RADIL: variants seen among roughly 807,000 people sequenced by gnomAD.
RADIL encodes the protein Rap associating with DIL domain.
RADIL carries 99 observed loss-of-function variants against 97.6 expected under a neutral mutation model. The ratio of observed to expected loss-of-function variants is 1.01; its 90% confidence interval spans 0.86 to 1.20. RADIL has a LOEUF of 1.20. Ranked by LOEUF, RADIL falls within the 50% of genes most tolerant of loss-of-function variation. The probability of loss-of-function intolerance (pLI) is 0.00; values close to 1 mark genes in which losing one functional copy is unlikely to be tolerated. For synonymous variants in RADIL, 803 were observed against 691.8 expected (o/e 1.16, Z -2.52); for missense variants, 1,765 against 1,498.9 (o/e 1.18, Z -2.93).
rs867880539 is a variant in RADIL at position 4,865,020 on chromosome 7, C to A, written c.535+12585G>T. On this transcript the variant is annotated intron_variant, in intron 2 of 14. Coordinates refer to ENST00000399583, the MANE Select transcript of RADIL (RefSeq NM_018059.5). ...TCCCCTCTGCACCAGCTGCAATGGCCTTCTTGCAGTGCCTGCCTTTGCTTC... is the reference window on the plus strand; with the variant it reads ...TCCCCTCTGCACCAGCTGCAATGGCATTCTTGCAGTGCCTGCCTTTGCTTC... Among the ~76,000 whole-genome samples, 4 of 152,224 alleles carry A rather than the reference C, an allele frequency of 2.6e-5. 1 individual carries two copies. The highest frequency in any genetic ancestry group is 2.1e-4 in the South Asian group (1 of 4,834).
chr7:4,811,994 C>T (rs1782561399), intron 9 of RADIL, among the ~76,000 whole-genome samples: 2 of 152,104 alleles, frequency 1.3e-5, no homozygotes, highest in East Asian at 1.9e-4. Context: ...CCTGCCTCAG[C>T]CTTCTAAGTA....
chr7:4,859,753 GT>G, intron 2 of RADIL: 1 of 618,580 alleles, frequency 1.6e-6, no homozygotes, highest in Non-Finnish European at 2.9e-6. Flanking sequence ...CTATACTGAT[GT>G]TCCCTGAGAG....
rs199947712 is a variant in RADIL at position 4,849,138 on chromosome 7, CA to C, written c.536-12534del. On this transcript the variant is annotated intron_variant, in intron 2 of 14. Transcript: ENST00000399583. The surrounding 1 kb of genome is among the most constrained non-coding windows in gnomAD (Gnocchi z 5.4). ...GGGCAACAAGAGGGAAATTCTGTCT[CA>C]AAAAAAAAAAAAAAAAGGGAATTAA... Among the ~76,000 whole-genome samples the C allele has an allele frequency of 0.046, 5,525 of 120,500 alleles. 269 individuals carry two copies. The highest frequency in any genetic ancestry group is 0.14 in the African/African-American group (4,931 of 35,694). 79.1% of individuals were successfully genotyped at this position (120,500 alleles called of 152,430 possible).
Position 4,872,448 on chromosome 7 carries a change from C to T in RADIL, c.535+5157G>A, listed in dbSNP as rs1035228398. Among the ~76,000 whole-genome samples the T allele has an allele frequency of 6.6e-6, 1 of 152,172 alleles. No individual in the cohort carries two copies. Among genetic ancestry groups the T allele is most frequent in the Non-Finnish European group, 1.5e-5 (1 of 68,032 alleles). On this transcript the variant is annotated intron_variant, in intron 2 of 14. Transcript: ENST00000399583. The surrounding 1 kb of genome is among the most constrained non-coding windows in gnomAD (Gnocchi z 5.8). ...CCTCCTGCAAAGGCAAACCAAGCCT[C>T]CCCTCACCGTTCCCCAGCCCCTGAC...
Position 4,815,501 on chromosome 7 carries a change from C to G in RADIL, c.1967-51G>C. ...TGCCTGGGCTGCCCTCCTGGGGGGA[C>G]ACAGACATGGGCCTGTCCCCAGAGC... On this transcript the variant is annotated intron_variant, in intron 8 of 14. Coordinates refer to ENST00000399583, the MANE Select transcript of RADIL (RefSeq NM_018059.5). The surrounding 1 kb of genome is among the most constrained non-coding windows in gnomAD (Gnocchi z 8.0). The G allele has an allele frequency of 6.9e-7, 1 of 1,445,498 alleles. No individual in the cohort carries two copies. Among genetic ancestry groups the G allele is most frequent in the Non-Finnish European group, 9.2e-7 (1 of 1,092,592 alleles). 89.5% of individuals were successfully genotyped at this position (1,445,498 alleles called of 1,614,324 possible). A position where few individuals can be genotyped will look rare whatever the true frequency, so the allele number is the denominator to read the frequency against.
At chr7:4,808,664 C>T (rs987745065) in intron 9 of RADIL, 2 of 951,176 alleles carry the variant, frequency 2.1e-6, no homozygotes, top group Non-Finnish European at 2.5e-6. Context: ...CCCTCCGCGT[C>T]CCCTTCCGAC....
At chr7:4,801,093 T>C in intron 12 of RADIL, among the ~76,000 whole-genome samples, 1 of 150,424 alleles carries the variant, frequency 6.6e-6, no homozygotes, top group Non-Finnish European at 1.5e-5. Context: ...CTTACACCCA[T>C]GCACAGATGC....
rs1357936921 is a variant in RADIL, at chr7:4,818,277, A to G, written c.1616-926T>C. 6.6e-6 allele frequency among the ~76,000 whole-genome samples: 1 copy of G among 152,160 alleles called. No homozygotes were observed. Among genetic ancestry groups the G allele is most frequent in the African/African-American group, 2.4e-5 (1 of 41,432 alleles). ...ACACTCACCCCAGCGCGGGCCTCCC[A>G]GGAGCACAGGCCCCCAGCTGCCCCT... On this transcript the variant is annotated intron_variant, in intron 6 of 14. Coordinates refer to ENST00000399583, the MANE Select transcript of RADIL (RefSeq NM_018059.5). This position sits in a 1 kb window ranked among gnomAD's most constrained non-coding sequence, Gnocchi z 7.1.
chr7:4,808,849 C>G (rs1384906893), intron 9 of RADIL: 2 of 961,912 alleles, frequency 2.1e-6, no homozygotes, highest in African/African-American at 3.9e-5. Context: ...CGTCTCCTTC[C>G]AACGCCACTG....
intron 2 of RADIL, among the ~76,000 whole-genome samples, chr7:4,871,184 G>A (rs940412751): frequency 1.3e-5 from 2 of 152,214 alleles, no homozygotes; most frequent in African/African-American, 4.8e-5. Context: ...TCCACTGGAA[G>A]GGAAGTCCCA....
chr7:4,810,043 T>A (rs1171023847), intron 9 of RADIL, among the ~76,000 whole-genome samples: 1 of 152,100 alleles, frequency 6.6e-6, no homozygotes, highest in African/African-American at 2.4e-5. Context: ...TTAGTAGAGA[T>A]GAGGTTTCAG....
chr7:4,806,948 G>A (rs991602743), intron 9 of RADIL, among the ~76,000 whole-genome samples: 4 of 152,250 alleles, frequency 2.6e-5, no homozygotes, highest in South Asian at 2.1e-4. Context: ...TGCACCCATC[G>A]TCCTGCAGCC....
intron 2 of RADIL, chr7:4,859,844 G>T: frequency 1.7e-6 from 2 of 1,148,554 alleles, no homozygotes; most frequent in Non-Finnish European, 2.5e-6. Context: ...CTTCCGTTTT[G>T]GTTTTCTTGG....
At position 4,799,089 on chromosome 7, in the gene RADIL, C is replaced by G; in HGVS notation, c.*289G>C. The stretch of plus-strand genomic sequence containing the variant: ...CACGCCTGCTGCCCGAGTTGAGACC[C>G]CAGCAGGGCACCCTCTAAGAACGGG... On this transcript the variant is annotated 3_prime_UTR_variant, in exon 15 of 15. Transcript: ENST00000399583. The G allele has an allele frequency of 2.5e-6, 1 of 401,182 alleles. No individual in the cohort carries two copies. Among genetic ancestry groups the G allele is most frequent in the South Asian group, 2.5e-5 (1 of 40,560 alleles). The allele number at this position is 401,182 out of a possible 1,614,324, so 24.9% of individuals were successfully genotyped here.
In RADIL at chr7:4,873,223, G is replaced by A. The variant is rs1784294944; in HGVS notation, c.535+4382C>T. The stretch of plus-strand genomic sequence containing the variant: ...GCTGGGATTACACGCGTGAGCCACC[G>A]CGCCCGGCCAAGTGTGACTCTTACC... On this transcript the variant is annotated intron_variant, in intron 2 of 14. Coordinates refer to ENST00000399583, the MANE Select transcript of RADIL (RefSeq NM_018059.5). This position sits in a 1 kb window ranked among gnomAD's most constrained non-coding sequence, Gnocchi z 4.3. 6.6e-6 allele frequency among the ~76,000 whole-genome samples: 1 copy of A among 152,104 alleles called. No individual in the cohort carries two copies. Among genetic ancestry groups the A allele is most frequent in the Non-Finnish European group, 1.5e-5 (1 of 68,026 alleles).
chr7:4,800,357 CACG>C (rs1782040959), intron 12 of RADIL, 47 bp from the exon 13 acceptor site: 6 of 1,412,898 alleles, frequency 4.2e-6, no homozygotes, highest in Non-Finnish European at 4.6e-6. Context: ...CGCCAGGAAT[CACG>C]ACGAGGAATG....
intron 9 of RADIL, among the ~76,000 whole-genome samples, chr7:4,807,446 G>A (rs1036938777): frequency 1.1e-4 from 17 of 151,910 alleles, no homozygotes; most frequent in Middle Eastern, 3.4e-3. Flanking sequence ...CAGCTTCAAG[G>A]GAACAGAACT....
Position 4,799,697 on chromosome 7 carries a change from G to T in RADIL, c.3055C>A (p.Arg1019Ser). ...AGGATACGGTCCCCCAGCGACAGGC[G>T]CCCGTCGGCCGCTGCGGGGCTGCCC... ...LPGSPAAADG[R>S]LSLGDRILEV... Residue 1019 changes from arginine to serine, a missense_variant, in exon 14 of 15, where the codon CGC becomes AGC. By Grantham distance (110) the Arg-to-Ser change is moderately radical. Coordinates refer to ENST00000399583, the MANE Select transcript of RADIL (RefSeq NM_018059.5). 2 of 1,577,982 alleles carry T rather than the reference G, an allele frequency of 1.3e-6. No homozygotes were observed. The highest frequency in any genetic ancestry group is 4.6e-5 in the East Asian group (2 of 43,184).
chr7:4,865,644 C>T, intron 2 of RADIL: 1 of 906,114 alleles, frequency 1.1e-6, no homozygotes, highest in South Asian at 1.3e-5. Context: ...CCAAGGTTCC[C>T]AGCTTTTCCA....
Sources: allele counts gnomAD v4.1 joint callset (sites outside exome capture counted in the v4.1 genomes callset), GRCh38; gene constraint gnomAD v4.1.1; non-coding constraint Gnocchi (gnomAD v3.1); transcripts MANE v1.5; gene names NCBI Gene and HGNC (gene_info 2026-07-23, HGNC 2026-07-21).